Variants in GRK4 observed in about 807,000 individuals in gnomAD.
The protein encoded by GRK4 is G protein-coupled receptor kinase 4, also known as G protein-coupled receptor kinase 2-like.
GRK4 carries 73 observed loss-of-function variants against 77.9 expected under a neutral mutation model. That is an observed-to-expected ratio of 0.94 (90% CI 0.78 to 1.14). GRK4 has a LOEUF of 1.14. GRK4 is among the 50% of genes most tolerant of loss of function. The pLI is 0.00. For missense variants in GRK4, 729 were observed against 700.2 expected, an observed-to-expected ratio of 1.04 and a Z score of -0.46; for synonymous variants, 257 against 254.4, an observed-to-expected ratio of 1.01 and a Z score of -0.10.
chr4:3,022,348 C>T (rs1385814389), intron 9 of GRK4, 66 bp from the exon 10 acceptor site: 6 of 1,514,250 alleles, frequency 4.0e-6, no homozygotes, highest in Non-Finnish European at 5.5e-6. Context: ...GTTGTTCCTA[C>T]TGGGTACTCA....
chr4:3,009,000 G>A (rs1313921971), intron 6 of GRK4, among the ~76,000 whole-genome samples: 1 of 151,972 alleles, frequency 6.6e-6, no homozygotes, highest in African/African-American at 2.4e-5. Flanking sequence ...AGGTTGAGAG[G>A]GATCTACCCA....
intron 10 of GRK4, among the ~76,000 whole-genome samples, chr4:3,022,785 C>G (rs944684721): frequency 3.9e-5 from 6 of 152,056 alleles, no homozygotes; most frequent in African/African-American, 1.4e-4. Flanking sequence ...CTACTGGGCT[C>G]AAATGACCCT....
chr4:2,964,251 C>A, intron 1 of GRK4, 129 bp downstream of exon 1: 2 of 830,468 alleles, frequency 2.4e-6, no homozygotes, highest in Non-Finnish European at 3.8e-6. Context: ...CGACACCTCC[C>A]ACTGGGGGAA....
At chr4:3,000,869 A>G (rs1729355759) in intron 4 of GRK4, among the ~76,000 whole-genome samples, 1 of 152,008 alleles carries the variant, frequency 6.6e-6, no homozygotes, top group Non-Finnish European at 1.5e-5. Flanking sequence ...CGCCTGGCCC[A>G]AACTTCTTTT....
chr4:3,012,336 G>A (rs1265600067), intron 7 of GRK4, among the ~76,000 whole-genome samples: 1 of 152,102 alleles, frequency 6.6e-6, no homozygotes, highest in Non-Finnish European at 1.5e-5. Flanking sequence ...TTTACAATAC[G>A]AGACCAGTTT....
At chr4:2,992,167 C>T (rs1470878216) in intron 3 of GRK4, 48 bp from the exon 4 acceptor site, 7 of 1,355,466 alleles carry the variant, frequency 5.2e-6, no homozygotes, top group Non-Finnish European at 7.4e-6. Context: ...GTATGCACCA[C>T]CACACCCAGC....
chr4:2,986,177 A>G (rs1724281203), intron 2 of GRK4, among the ~76,000 whole-genome samples: 1 of 151,948 alleles, frequency 6.6e-6, no homozygotes, highest in African/African-American at 2.4e-5. Flanking sequence ...TTTCTTTGTG[A>G]TGCCTTTGCT....
intron 8 of GRK4, among the ~76,000 whole-genome samples, chr4:3,016,743 A>C (rs1734656903): frequency 6.6e-6 from 1 of 151,684 alleles, no homozygotes; most frequent in South Asian, 2.1e-4. Flanking sequence ...AAAACAAAAC[A>C]AAAAAAACCC....
At chr4:2,993,187 A>G (rs1726787483) in intron 4 of GRK4, among the ~76,000 whole-genome samples, 1 of 152,180 alleles carries the variant, frequency 6.6e-6, no homozygotes, top group Non-Finnish European at 1.5e-5. Context: ...ATTTTTTCCT[A>G]AAAGCTTTAA....
chr4:2,988,937 C>A, intron 3 of GRK4, 98 bp downstream of exon 3: 1 of 752,478 alleles, frequency 1.3e-6, no homozygotes, highest in Admixed American at 1.9e-5. Context: ...GTAATCCCAG[C>A]ATTTTGGAAG....
intron 3 of GRK4, among the ~76,000 whole-genome samples, chr4:2,989,051 G>A (rs574584334): frequency 3.9e-5 from 6 of 152,150 alleles, no homozygotes; most frequent in East Asian, 1.9e-4. Context: ...GCGTGGTGGC[G>A]CGTGCCTGTA....
At chr4:3,034,587 A>C (rs1740077960) in intron 12 of GRK4, among the ~76,000 whole-genome samples, 1 of 152,132 alleles carries the variant, frequency 6.6e-6, no homozygotes, top group African/African-American at 2.4e-5. Flanking sequence ...AGAATTGCGG[A>C]GGAAGGCTTA....
intron 1 of GRK4, chr4:2,965,347 C>T: frequency 1.4e-6 from 1 of 703,038 alleles, no homozygotes; most frequent in Non-Finnish European, 2.6e-6. Flanking sequence ...GTCTCCCTTG[C>T]CTGCGTCTCA....
intron 9 of GRK4, among the ~76,000 whole-genome samples, chr4:3,020,747 A>G (rs1399725072): frequency 6.6e-6 from 1 of 152,024 alleles, no homozygotes; most frequent in Non-Finnish European, 1.5e-5. Flanking sequence ...AGATTCAAAG[A>G]GCTGTGAATC....
chr4:2,964,666 C>G (rs906064705), intron 1 of GRK4, among the ~76,000 whole-genome samples: 2 of 152,072 alleles, frequency 1.3e-5, no homozygotes, highest in African/African-American at 4.8e-5. Flanking sequence ...ACGACGTGGT[C>G]ACAGATGGAC....
At chr4:3,007,683 T>A in intron 5 of GRK4, 53 bp from the exon 6 acceptor site, 1 of 1,169,762 alleles carries the variant, frequency 8.5e-7, no homozygotes, top group Non-Finnish European at 1.2e-6. Context: ...AACACACTTG[T>A]TTTTATTTCT....
intron 1 of GRK4, among the ~76,000 whole-genome samples, chr4:2,964,334 C>T (rs1421345070): frequency 6.6e-6 from 1 of 152,174 alleles, no homozygotes; most frequent in Non-Finnish European, 1.5e-5. Context: ...TCCCAGTCCC[C>T]ATCTCCTGGC....
At position 3,013,785 on chromosome 4, in the gene GRK4, T is replaced by C; in HGVS notation, c.698T>C (p.Leu233Pro). The C allele has an allele frequency of 6.2e-7, 1 of 1,612,186 alleles. No homozygotes were observed. The highest frequency in any genetic ancestry group is 2.2e-5 in the East Asian group (1 of 44,882). The stretch of plus-strand genomic sequence containing the variant: ...AAGAGGAAAGGTGAAGCTATGGCTC[T>C]AAATGAGAAAAGAATTCTGGAGAAA... ...IKKRKGEAMA[L>P]NEKRILEKVQ... The change falls in exon 8 of 16, where the codon CTA (leucine) becomes CCA (proline). Residue 233 changes from leucine (L) to proline (P), a missense_variant. Leu to Pro is a moderately conservative substitution (Grantham distance 98). Transcript: ENST00000398052.
rs1272536207 is a variant in GRK4, at chr4:3,029,291, C to T, written c.1151C>T (p.Ser384Phe). The T allele has an allele frequency of 6.2e-7, 1 of 1,613,966 alleles. No individual in the cohort carries two copies. Among genetic ancestry groups the T allele is most frequent in the Admixed American group, 1.7e-5 (1 of 60,020 alleles). The change falls in exon 12 of 16, where the codon TCT becomes TTT. Residue 384 changes from serine to phenylalanine, a missense_variant. Coordinates refer to ENST00000398052, the MANE Select transcript of GRK4 (RefSeq NM_182982.3). ...CLIYEMIQGH[S>F]PFKKYKEKVK... ...ATCTATGAAATGATTCAGGGACATT[C>T]TCCATTCAAAAAATACAAAGAGAAA...
Sources: gnomAD v4.1 joint callset for allele counts (sites outside exome capture counted in the v4.1 genomes callset) on GRCh38, gnomAD v4.1.1 for gene constraint, MANE v1.5 for transcripts, NCBI Gene and HGNC (gene_info 2026-07-23, HGNC 2026-07-21) for gene names.